Variants in CD48 observed in about 807,000 individuals in gnomAD.
The protein encoded by CD48 is CD48 molecule, also known as CD48 antigen.
CD48 carries 20 observed loss-of-function variants against 22.0 expected under a neutral mutation model. The observed-to-expected ratio is 0.91, with a 90% CI of 0.64 to 1.32. CD48 has a LOEUF of 1.32. CD48 is among the 40% of genes most tolerant of loss of function. CD48 has a pLI of 0.00. For missense variants in CD48, 307 were observed against 286.5 expected, an observed-to-expected ratio of 1.07 and a Z score of -0.52; for synonymous variants, 110 against 110.1, an observed-to-expected ratio of 1.00 and a Z score of 0.01.
chr1:160,699,563 C>T (rs1662554527), intron 1 of CD48: 1 of 152,190 alleles, frequency 6.6e-6, no homozygotes, highest in Non-Finnish European at 1.5e-5. Flanking sequence ...CATCCCTGGG[C>T]AATGGAATGT....
chr1:160,680,873 C>T, intron 3 of CD48: 2 of 1,361,594 alleles, frequency 1.5e-6, no homozygotes, highest in Non-Finnish European at 1.9e-6. Context: ...TCCCTGCTCA[C>T]CCTGATGTTT....
At chr1:160,685,975 A>G (rs922208143) in intron 1 of CD48, among the ~76,000 whole-genome samples, 2 of 152,232 alleles carry the variant, frequency 1.3e-5, no homozygotes, top group Non-Finnish European at 2.9e-5. Context: ...AGCAAGGCCT[A>G]TCTTTCTAGA....
In CD48 at chr1:160,679,120, C is replaced by T; in HGVS notation, c.664G>A (p.Gly222Arg). The T allele has an allele frequency of 6.2e-7, 1 of 1,614,092 alleles. No individual in the cohort carries two copies. The highest frequency in any genetic ancestry group is 1.1e-5 in the South Asian group (1 of 91,074). The change falls in exon 4 of 4, where the codon GGA (glycine) becomes AGA (arginine). Residue 222 changes from glycine (G) to arginine (R), a missense_variant. Transcript: ENST00000368046. ...SPPCTLARSFGVEWIASWLVV... is the reference protein window; with the variant it reads ...SPPCTLARSFRVEWIASWLVV... Reference sequence around the variant, plus strand: ...AGCCAACTTGCAATCCATTCTACTCCAAAGGACCGGGCTGAAAGAGCAAGA... The same window carrying T: ...AGCCAACTTGCAATCCATTCTACTCTAAAGGACCGGGCTGAAAGAGCAAGA...
intron 2 of CD48, among the ~76,000 whole-genome samples, chr1:160,682,917 C>A (rs1231878357): frequency 6.6e-6 from 1 of 152,188 alleles, no homozygotes; most frequent in Non-Finnish European, 1.5e-5. Context: ...ATCAATGCAA[C>A]TCAAATCCCA....
At chr1:160,690,773 G>A (rs984061499) in intron 1 of CD48, among the ~76,000 whole-genome samples, 5 of 152,140 alleles carry the variant, frequency 3.3e-5, no homozygotes, top group Admixed American at 1.3e-4. Flanking sequence ...CAACATAAGC[G>A]GAATCTGAGA....
intron 1 of CD48, among the ~76,000 whole-genome samples, chr1:160,697,358 C>A (rs1487726759): frequency 6.6e-6 from 1 of 152,306 alleles, no homozygotes; most frequent in Non-Finnish European, 1.5e-5. Flanking sequence ...GATGGATAAT[C>A]CTATAGAAGT....
At chr1:160,685,382 A>G (rs1435206919) in intron 1 of CD48, among the ~76,000 whole-genome samples, 193 bp from the exon 2 acceptor site, 2 of 152,158 alleles carry the variant, frequency 1.3e-5, no homozygotes, top group South Asian at 4.1e-4. Flanking sequence ...AAAAGTGGGC[A>G]TGGGGGAAGG....
chr1:160,697,786 T>G (rs1662485097), intron 1 of CD48, among the ~76,000 whole-genome samples: 1 of 151,980 alleles, frequency 6.6e-6, no homozygotes, highest in Admixed American at 6.6e-5. Context: ...CTATTATAGA[T>G]TGGGCACCTC....
intron 2 of CD48, chr1:160,683,479 C>T (rs1006331239): frequency 6.6e-6 from 1 of 150,534 alleles, no homozygotes; most frequent in African/African-American, 2.4e-5. Context: ...GTATTTAAAC[C>T]ACAGAAATTA....
chr1:160,701,289 C>T (rs1021579273), intron 1 of CD48, among the ~76,000 whole-genome samples: 1 of 148,082 alleles, frequency 6.8e-6, no homozygotes, highest in African/African-American at 2.5e-5. Context: ...AAATCGGTTA[C>T]CATCCGCCAT....
Position 160,681,225 on chromosome 1 carries a change from C to T in CD48, c.629G>A (p.Cys210Tyr), listed in dbSNP as rs774421282. ...ACCCAGGGTACAGGGTGGACTGAGG[C>T]AGACCGTGCCATTCTTGCTGCTCAC... ...NSVSSKNGTV[C>Y]LSPPCTLARS... Residue 210 changes from cysteine (C) to tyrosine (Y), a missense_variant, in exon 3 of 4, where the codon TGC becomes TAC. Coordinates refer to ENST00000368046, the MANE Select transcript of CD48 (RefSeq NM_001778.4). 5.8e-5 allele frequency: 93 copies of T among 1,614,168 alleles called. No homozygotes were observed. Among genetic ancestry groups the T allele is most frequent in the Non-Finnish European group, 7.6e-5 (90 of 1,180,020 alleles).
chr1:160,689,141 G>T (rs191359056), intron 1 of CD48, among the ~76,000 whole-genome samples: 1 of 152,094 alleles, frequency 6.6e-6, no homozygotes, highest in African/African-American at 2.4e-5. Context: ...TGATGTTTTC[G>T]GAAGATAAGC....
rs532005714 is a variant in CD48 at position 160,689,559 on chromosome 1, G to T, written c.83-4370C>A. Among the ~76,000 whole-genome samples, 8 of 152,274 alleles carry T rather than the reference G, an allele frequency of 5.3e-5. No homozygotes were observed. The East Asian group carries it at 1.5e-3, about 29-fold the overall frequency. On this transcript the variant is annotated intron_variant, in intron 1 of 3. Transcript: ENST00000368046. The stretch of plus-strand genomic sequence containing the variant: ...CTAATAGAAATGGTGAGATTTTTAG[G>T]TTTGTAAGGAGAAAAAGAAAAGTAA...
intron 1 of CD48, among the ~76,000 whole-genome samples, chr1:160,710,584 T>G (rs760993295): frequency 6.6e-6 from 1 of 152,196 alleles, no homozygotes; most frequent in Non-Finnish European, 1.5e-5. Context: ...TCCTAAAATA[T>G]TCCAATTCTC....
intron 3 of CD48, chr1:160,680,544 TG>T: frequency 1.0e-6 from 1 of 988,342 alleles, no homozygotes; most frequent in Non-Finnish European, 1.2e-6. Context: ...CTAAAACCCA[TG>T]GCCTTAGCTG....
chr1:160,684,769 T>C, intron 2 of CD48, 118 bp downstream of exon 2: 1 of 1,610,290 alleles, frequency 6.2e-7, no homozygotes, highest in East Asian at 2.2e-5. Context: ...GAATCAAACC[T>C]GTCCTGAGGT....
At chr1:160,679,196 G>C in intron 3 of CD48, 65 bp from the exon 4 acceptor site, 1 of 1,287,944 alleles carries the variant, frequency 7.8e-7, no homozygotes, top group African/African-American at 1.5e-5. Context: ...TTGAGAAGGG[G>C]CAAGTGTACT....
intron 1 of CD48, among the ~76,000 whole-genome samples, chr1:160,694,431 C>T (rs1196733767): frequency 6.6e-6 from 1 of 151,382 alleles, no homozygotes; most frequent in Non-Finnish European, 1.5e-5. Context: ...AAACAAAAGA[C>T]TGTTACAGGA....
At chr1:160,695,937 C>T (rs9793642) in intron 1 of CD48, among the ~76,000 whole-genome samples, 1 of 152,204 alleles carries the variant, frequency 6.6e-6, no homozygotes, top group African/African-American at 2.4e-5. Context: ...TCCCTTTAAC[C>T]AAGGAACAAG....
Sources: allele counts gnomAD v4.1 joint callset (sites outside exome capture counted in the v4.1 genomes callset), GRCh38; gene constraint gnomAD v4.1.1; transcripts MANE v1.5; gene names NCBI Gene and HGNC (gene_info 2026-07-23, HGNC 2026-07-21).